Variants in CNTNAP3B observed in about 807,000 individuals in gnomAD.
CNTNAP3B encodes the protein contactin-associated protein-like 3B.
In CNTNAP3B, 25 loss-of-function variants were observed where a neutral mutation model predicts 108.9. That is an observed-to-expected ratio of 0.23 (90% CI 0.17 to 0.32). The LOEUF is 0.32. CNTNAP3B is among the 10% of genes least tolerant of loss of function. The pLI is 1.00. For missense variants in CNTNAP3B, 252 were observed against 1,210.4 expected (o/e 0.21, Z 11.75); for synonymous variants, 103 against 473.4 (o/e 0.22, Z 10.16).
intron 1 of CNTNAP3B, among the ~76,000 whole-genome samples, chr9:42,121,566 C>A (rs370509849): frequency 1.4e-5 from 2 of 139,416 alleles, no homozygotes; most frequent in African/African-American, 2.8e-5. Flanking sequence ...AGGAGATGAG[C>A]TTTGTCACAG....
intron 1 of CNTNAP3B, among the ~76,000 whole-genome samples, chr9:42,114,699 C>T (rs1229912072): frequency 8.4e-6 from 1 of 119,528 alleles, no homozygotes; most frequent in Non-Finnish European, 1.7e-5. Flanking sequence ...AGGACAACAT[C>T]GTTCATCAAA....
At chr9:41,918,103 C>T (rs1823568206) in intron 18 of CNTNAP3B, among the ~76,000 whole-genome samples, 3 of 151,898 alleles carry the variant, frequency 2.0e-5, no homozygotes, top group South Asian at 2.1e-4. Context: ...TACAGAGCTC[C>T]TTATGTGGCC....
chr9:42,075,857 A>ATTT (rs1229390479), intron 3 of CNTNAP3B, among the ~76,000 whole-genome samples: 2 of 106,152 alleles, frequency 1.9e-5, no homozygotes, highest in African/African-American at 3.5e-5. Flanking sequence ...TATTATTATT[A>ATTT]TTATTATTAT....
At chr9:41,956,369 G>C (rs1260138311) in intron 12 of CNTNAP3B, among the ~76,000 whole-genome samples, 9 of 152,154 alleles carry the variant, frequency 5.9e-5, no homozygotes, top group Admixed American at 5.2e-4. Context: ...CTGGGTGACA[G>C]AGCAAGCCTC....
At chr9:42,109,368 C>T (rs1828143588) in intron 1 of CNTNAP3B, among the ~76,000 whole-genome samples, 1 of 148,034 alleles carries the variant, frequency 6.8e-6, no homozygotes, top group Non-Finnish European at 1.5e-5. Flanking sequence ...TATAAAAGTG[C>T]TTCTGGAAAA....
chr9:41,926,337 G>T (rs1008561282), intron 15 of CNTNAP3B, among the ~76,000 whole-genome samples: 44 of 152,318 alleles, frequency 2.9e-4, no homozygotes, highest in Admixed American at 2.6e-4. Flanking sequence ...GAAGGGAAAA[G>T]AATCAATAAG....
chr9:42,056,802 T>C (rs1298446754), intron 3 of CNTNAP3B, among the ~76,000 whole-genome samples: 5 of 102,712 alleles, frequency 4.9e-5, no homozygotes, highest in African/African-American at 1.8e-4. Flanking sequence ...TTATTTCCCA[T>C]TTATAAATTG....
In CNTNAP3B at chr9:42,119,295, G is replaced by C. The variant is rs1236591984; in HGVS notation, c.85+9715C>G. On this transcript the variant is annotated intron_variant, in intron 1 of 23. Coordinates refer to ENST00000377561, the MANE Select transcript of CNTNAP3B (RefSeq NM_001201380.3). ...AAGGGATGTGAAGGAACTCTTCAAG[G>C]AGAACTACAAACCACTGCTCAATGA... Among the ~76,000 whole-genome samples the C allele has an allele frequency of 4.7e-5, 6 of 126,992 alleles. 1 individual carries two copies. The highest frequency in any genetic ancestry group is 2.0e-4 in the African/African-American group (6 of 30,612). The allele number at this position is 126,992 out of a possible 152,430, so 83.3% of individuals were successfully genotyped here.
chr9:42,029,521 A>C (rs1826474211), intron 3 of CNTNAP3B, among the ~76,000 whole-genome samples: 1 of 124,904 alleles, frequency 8.0e-6, no homozygotes, highest in Non-Finnish European at 1.6e-5. Context: ...AAGTATGATC[A>C]CATATACATT....
At chr9:41,962,432 T>C (rs1490512222) in intron 11 of CNTNAP3B, among the ~76,000 whole-genome samples, 15 of 152,256 alleles carry the variant, frequency 9.9e-5, no homozygotes, top group Admixed American at 2.0e-4. Flanking sequence ...CATGGACTAA[T>C]ATAACTCATT....
chr9:41,967,567 A>C (rs1436270299), intron 10 of CNTNAP3B, among the ~76,000 whole-genome samples: 1 of 152,220 alleles, frequency 6.6e-6, no homozygotes, highest in Non-Finnish European at 1.5e-5. Flanking sequence ...AACAACAAAG[A>C]AAGGCTGATA....
chr9:42,029,668 C>T (rs1278301735), intron 3 of CNTNAP3B, among the ~76,000 whole-genome samples: 1 of 124,766 alleles, frequency 8.0e-6, no homozygotes, highest in Non-Finnish European at 1.7e-5. Flanking sequence ...GTAGCTAGGA[C>T]TACAGGCACA....
chr9:42,016,902 T>C (rs1311131849), intron 3 of CNTNAP3B, among the ~76,000 whole-genome samples: 2 of 151,532 alleles, frequency 1.3e-5, no homozygotes, highest in Non-Finnish European at 2.9e-5. Context: ...TTTACAGCAT[T>C]CCTCTGCAAT....
chr9:41,967,613 T>C (rs1825320327), intron 10 of CNTNAP3B, among the ~76,000 whole-genome samples: 1 of 152,408 alleles, frequency 6.6e-6, no homozygotes, highest in East Asian at 1.9e-4. Context: ...TACTTAAAAG[T>C]GAATTTTCAG....
At chr9:41,940,386 T>C (rs1480364188) in intron 13 of CNTNAP3B, among the ~76,000 whole-genome samples, 2 of 152,418 alleles carry the variant, frequency 1.3e-5, no homozygotes, top group South Asian at 2.1e-4. Context: ...AGAACCCTAA[T>C]TTGAATGATA....
intron 11 of CNTNAP3B, among the ~76,000 whole-genome samples, chr9:41,963,817 C>G (rs1274738936): frequency 1.3e-5 from 2 of 152,422 alleles, no homozygotes; most frequent in African/African-American, 4.8e-5. Flanking sequence ...TACTTAACCT[C>G]TTTCTGTCCT....
In CNTNAP3B at chr9:41,977,614, T is replaced by A. The variant is rs370476152; in HGVS notation, c.1478-7369A>T. 8.5e-4 allele frequency among the ~76,000 whole-genome samples: 116 copies of A among 135,808 alleles called. 4 individuals carry two copies. In the East Asian group the frequency reaches 0.021, roughly 24 times the overall value. The allele number at this position is 135,808 out of a possible 152,430, so 89.1% of individuals were successfully genotyped here. On this transcript the variant is annotated intron_variant, in intron 9 of 23. Transcript: ENST00000377561. ...GCTGACAGCCAATTTTAGGGATGAA[T>A]TTTACCTTTTTTTTTTTTTTTGAGA...
intron 1 of CNTNAP3B, among the ~76,000 whole-genome samples, chr9:42,120,894 C>T (rs1314429230): frequency 1.5e-5 from 2 of 136,114 alleles, no homozygotes; most frequent in Non-Finnish European, 3.1e-5. Context: ...ATGGGTGCAG[C>T]ACACCAACAT....
chr9:41,959,600 C>T (rs1454347329), intron 12 of CNTNAP3B, among the ~76,000 whole-genome samples: 1,886 of 151,086 alleles, frequency 0.012, no homozygotes, highest in African/African-American at 0.044. Context: ...TTGTTTGAGT[C>T]GGGATTTTGG....
Sources: allele counts gnomAD v4.1 joint callset (sites outside exome capture counted in the v4.1 genomes callset), GRCh38; gene constraint gnomAD v4.1.1; transcripts MANE v1.5; gene names NCBI Gene and HGNC (gene_info 2026-07-23, HGNC 2026-07-21).